Variants in NCKAP5L observed in about 807,000 individuals in gnomAD.
The protein encoded by NCKAP5L is nck-associated protein 5-like.
A neutral mutation model predicts 103.2 loss-of-function variants in NCKAP5L; 54 were observed. The ratio of observed to expected loss-of-function variants is 0.52; its 90% CI spans 0.42 to 0.66. NCKAP5L has a LOEUF of 0.66. Among genes scored for constraint, NCKAP5L ranks in the 30% least tolerant of loss-of-function variants. NCKAP5L has a pLI of 0.00. For missense variants in NCKAP5L, 1,733 were observed against 1,750.6 expected, an observed-to-expected ratio of 0.99 and a Z score of 0.18; for synonymous variants, 762 against 748.6, an observed-to-expected ratio of 1.02 and a Z score of -0.29.
intron 1 of NCKAP5L, among the ~76,000 whole-genome samples, chr12:49,811,581 C>T (rs1287321961): frequency 6.6e-6 from 1 of 152,058 alleles, no homozygotes; most frequent in Admixed American, 6.6e-5. Flanking sequence ...GCTTTCTCAT[C>T]TACCCTTTAA....
chr12:49,814,607 C>T (rs1002626105), intron 1 of NCKAP5L, among the ~76,000 whole-genome samples: 1 of 152,030 alleles, frequency 6.6e-6, no homozygotes, highest in African/African-American at 2.4e-5. Context: ...TCCCCTGCTC[C>T]TCCCACCCCT....
intron 6 of NCKAP5L, among the ~76,000 whole-genome samples, chr12:49,801,454 C>A (rs1946117032): frequency 6.6e-6 from 1 of 152,194 alleles, no homozygotes; most frequent in South Asian, 2.1e-4. Flanking sequence ...ACCGAAATGT[C>A]TTTCCTGACC....
rs771199970 is a variant in NCKAP5L, at chr12:49,792,020, T to C, written c.3824A>G (p.Glu1275Gly). The C allele has an allele frequency of 6.4e-7, 1 of 1,565,590 alleles. No individual in the cohort carries two copies. Among genetic ancestry groups the C allele is most frequent in the Non-Finnish European group, 8.6e-7 (1 of 1,157,250 alleles). The change falls in exon 13 of 13, where the codon GAG becomes GGG. Residue 1275 changes from glutamate to glycine, a missense_variant. Coordinates refer to ENST00000335999, the MANE Select transcript of NCKAP5L (RefSeq NM_001037806.4). The surrounding 1 kb of genome is among the most constrained non-coding windows in gnomAD (Gnocchi z 4.5). Reference protein sequence around the residue: ...ALPVDRKRSQEPSRPSPTPQG... With the variant: ...ALPVDRKRSQGPSRPSPTPQG... ...GGGCGTAGGGGACGGGCGGCTGGGCTCCTGGCTTCGCTTCCGGTCCACGGG... is the reference window on the plus strand; with the variant it reads ...GGGCGTAGGGGACGGGCGGCTGGGCCCCTGGCTTCGCTTCCGGTCCACGGG...
rs1296685292 is a variant in NCKAP5L at position 49,792,706 on chromosome 12, G to A, written c.3621C>T (p.Gly1207=). 6.2e-7 allele frequency: 1 copy of A among 1,611,492 alleles called. No individual in the cohort carries two copies. The highest frequency in any genetic ancestry group is 1.7e-4 in the Middle Eastern group (1 of 6,036). ...CAGGACAGGTCTCATGGCCCCGGTGGCCCGGAGCAGCGGGTAGCAGTGCAG... is the reference window on the plus strand; with the variant it reads ...CAGGACAGGTCTCATGGCCCCGGTGACCCGGAGCAGCGGGTAGCAGTGCAG... ...AFPALLPAAP[G]HRGHETCPDD... is the part of the protein sequence containing the mutation. The change falls in exon 11 of 13, where the codon GGC becomes GGT. Residue 1207 remains glycine, a synonymous_variant. Coordinates refer to ENST00000335999, the MANE Select transcript of NCKAP5L (RefSeq NM_001037806.4). This position sits in a 1 kb window ranked among gnomAD's most constrained non-coding sequence, Gnocchi z 4.5.
chr12:49,797,651 GC>G lies in NCKAP5L; in HGVS notation c.466-258del, dbSNP rs1292917821. Among the ~76,000 whole-genome samples the G allele has an allele frequency of 7.2e-5, 11 of 152,132 alleles. No homozygotes were observed. Among genetic ancestry groups the G allele is most frequent in the Non-Finnish European group, 1.3e-4 (9 of 68,008 alleles). On this transcript the variant is annotated intron_variant, in intron 7 of 12. Coordinates refer to ENST00000335999, the MANE Select transcript of NCKAP5L (RefSeq NM_001037806.4). This position sits in a 1 kb window ranked among gnomAD's most constrained non-coding sequence, Gnocchi z 4.5. ...GGCACCCTACATCCTTTTCTTGGTT[GC>G]CCCAGCCCCTACTCCCCACAGCCAT...
At chr12:49,810,957 T>C (rs1196180953) in intron 1 of NCKAP5L, among the ~76,000 whole-genome samples, 1 of 150,544 alleles carries the variant, frequency 6.6e-6, no homozygotes, top group Admixed American at 6.6e-5. Context: ...CCAGTAGAAC[T>C]TTCTGTAATA....
At position 49,794,921 on chromosome 12, in the gene NCKAP5L, C is replaced by T. The variant is rs777445766; in HGVS notation, c.2939G>A (p.Arg980Gln). The change falls in exon 8 of 13, where the codon CGG becomes CAG. Residue 980 changes from arginine to glutamine, a missense_variant. Physicochemically the swap from Arg to Gln is conservative, Grantham distance 43 (BLOSUM62 1). Transcript: ENST00000335999. ...GTAGGCCTTCTCCTCTTCCAGTGCC[C>T]GACGCAGGTCTTCCGCCTTGGCCAT... ...KLMAKAEDLRRALEEEKAYLS... is the reference protein window; with the variant it reads ...KLMAKAEDLRQALEEEKAYLS... 15 of 1,549,090 alleles carry T rather than the reference C, an allele frequency of 9.7e-6. No individual in the cohort carries two copies. The highest frequency in any genetic ancestry group is 2.8e-5 in the African/African-American group (2 of 72,554).
chr12:49,821,490 T>C (rs1763530934), intron 1 of NCKAP5L, among the ~76,000 whole-genome samples: 1 of 152,188 alleles, frequency 6.6e-6, no homozygotes. Context: ...TCAAGCCAAG[T>C]TGAGAAAGCC....
At position 49,795,430 on chromosome 12, in the gene NCKAP5L, G is replaced by T; in HGVS notation, c.2430C>A (p.Ser810Arg). The T allele has an allele frequency of 1.3e-6, 2 of 1,582,860 alleles. No homozygotes were observed. Among genetic ancestry groups the T allele is most frequent in the Non-Finnish European group, 8.6e-7 (1 of 1,167,968 alleles). Residue 810 changes from serine to arginine, a missense_variant, in exon 8 of 13, where the codon AGC becomes AGA. Ser to Arg is a moderately radical substitution (Grantham distance 110, BLOSUM62 -1). Coordinates refer to ENST00000335999, the MANE Select transcript of NCKAP5L (RefSeq NM_001037806.4). ...SAPSLGKPNK[S>R]PHSSPTKLPS... ...GGAGCTTGGTGGGGCTGCTGTGAGG[G>T]CTCTTATTGGGCTTGCCCAGGCTTG...
chr12:49,802,795 A>C, intron 5 of NCKAP5L, 163 bp downstream of exon 5: 3 of 730,606 alleles, frequency 4.1e-6, no homozygotes, highest in Middle Eastern at 3.9e-4. Context: ...GGCCTTACCT[A>C]GTCCCACCTC....
rs1339121342 is a variant in NCKAP5L at position 49,797,397 on chromosome 12, T to C, written c.466-3A>G. On this transcript the variant is annotated splice_polypyrimidine_tract_variant and splice_region_variant and intron_variant, in intron 7 of 12. Transcript: ENST00000335999. This position sits in a 1 kb window ranked among gnomAD's most constrained non-coding sequence, Gnocchi z 4.5. ...CTCAGCTGCTGCTCCCAACATACCT[T>C]AGGGGAGAGATGATGGCATGAGGAG... 6.3e-7 allele frequency: 1 copy of C among 1,593,526 alleles called. No homozygotes were observed. Among genetic ancestry groups the C allele is most frequent in the East Asian group, 2.2e-5 (1 of 44,566 alleles).
chr12:49,828,395 G>C lies in NCKAP5L; in HGVS notation c.-172C>G, dbSNP rs999404809. ...CATGGCCGCGGCTTGGGGGCGGGGG[G>C]CAGAGAAAGGGGGGTGCCGGAGCCG... is the stretch of plus-strand genomic sequence containing the variant. On this transcript the variant is annotated 5_prime_UTR_variant, in exon 1 of 13. Coordinates refer to ENST00000335999, the MANE Select transcript of NCKAP5L (RefSeq NM_001037806.4). The C allele has an allele frequency of 6.5e-6, 1 of 152,888 alleles. No homozygotes were observed. Among genetic ancestry groups the C allele is most frequent in the Admixed American group, 6.5e-5 (1 of 15,294 alleles). 9.5% of individuals were successfully genotyped at this position (152,888 alleles called of 1,614,324 possible). A position where few individuals can be genotyped will look rare whatever the true frequency, so the allele number is the denominator to read the frequency against.
chr12:49,819,096 G>T (rs1269714159), intron 1 of NCKAP5L, among the ~76,000 whole-genome samples: 2 of 151,854 alleles, frequency 1.3e-5, no homozygotes, highest in African/African-American at 4.8e-5. Flanking sequence ...ACTTTGGGAG[G>T]CCGAGGTGGG....
intron 1 of NCKAP5L, among the ~76,000 whole-genome samples, chr12:49,812,318 A>G (rs1946248970): frequency 6.6e-6 from 1 of 151,276 alleles, no homozygotes; most frequent in Non-Finnish European, 1.5e-5. Context: ...TTCACTTTGC[A>G]TGATGTTTTC....
chr12:49,820,590 C>T (rs192594460), intron 1 of NCKAP5L, among the ~76,000 whole-genome samples: 33 of 152,322 alleles, frequency 2.2e-4, no homozygotes, highest in African/African-American at 7.2e-4. Flanking sequence ...GCTGGGATTA[C>T]AGGCGTGAGC....
intron 1 of NCKAP5L, among the ~76,000 whole-genome samples, chr12:49,816,050 C>T (rs975434671): frequency 1.3e-5 from 2 of 152,210 alleles, no homozygotes; most frequent in Non-Finnish European, 2.9e-5. Context: ...TTCCTGGACT[C>T]GTGCAGCCTC....
intron 1 of NCKAP5L, among the ~76,000 whole-genome samples, chr12:49,816,918 T>G (rs1946304882): frequency 6.6e-6 from 1 of 152,080 alleles, no homozygotes; most frequent in Non-Finnish European, 1.5e-5. Flanking sequence ...GGAAATGCAA[T>G]GCTTGGGTAT....
chr12:49,803,824 G>A, intron 3 of NCKAP5L, 98 bp downstream of exon 3: 3 of 1,474,024 alleles, frequency 2.0e-6, no homozygotes, highest in Non-Finnish European at 2.7e-6. Flanking sequence ...GAAGGCCCAT[G>A]GCACCCAAAA....
intron 10 of NCKAP5L, 54 bp from the exon 11 acceptor site, chr12:49,793,040 G>T (rs887740051): frequency 1.5e-6 from 2 of 1,341,058 alleles, no homozygotes; most frequent in Non-Finnish European, 2.0e-6. Flanking sequence ...CTCAGTCCCC[G>T]GCCTGCCTCC....
Sources: gnomAD v4.1 joint callset for allele counts (sites outside exome capture counted in the v4.1 genomes callset) on GRCh38, gnomAD v4.1.1 for gene constraint, Gnocchi (gnomAD v3.1) non-coding constraint, MANE v1.5 for transcripts, NCBI Gene and HGNC (gene_info 2026-07-23, HGNC 2026-07-21) for gene names.